SCFD1: variants seen among roughly 807,000 people sequenced by gnomAD.
The protein encoded by SCFD1 is sec1 family domain containing 1, also known as sec1 family domain-containing protein 1.
Under a neutral mutation model 103.2 loss-of-function variants are expected in SCFD1, and 37 were observed. The observed-to-expected ratio is 0.36, with a 90% CI of 0.28 to 0.47. The LOEUF (loss-of-function observed/expected upper bound fraction) is 0.47, where lower values mean the gene tolerates loss of function less well. Ranked by LOEUF, SCFD1 falls within the 20% of genes least tolerant of loss-of-function variation. SCFD1 has a pLI of 1.00. For missense variants in SCFD1, 639 were observed against 761.2 expected (o/e 0.84, Z 1.89); for synonymous variants, 264 against 245.0 (o/e 1.08, Z -0.73).
At chr14:30,671,912 T>C (rs536926590) in intron 11 of SCFD1, among the ~76,000 whole-genome samples, 3 of 151,732 alleles carry the variant, frequency 2.0e-5, no homozygotes, top group Admixed American at 2.0e-4. Flanking sequence ...AGTTAAGTTA[T>C]GATAGTTACC....
At chr14:30,705,687 T>C (rs1019376071) in intron 17 of SCFD1, 136 bp from the exon 18 acceptor site, 15 of 631,878 alleles carry the variant, frequency 2.4e-5, no homozygotes, top group Non-Finnish European at 4.0e-5. Flanking sequence ...AGTGTACTTG[T>C]ATTCGTTGAA....
At chr14:30,725,678 CT>C (rs1892994122) in intron 23 of SCFD1, among the ~76,000 whole-genome samples, 1 of 151,948 alleles carries the variant, frequency 6.6e-6, no homozygotes, top group African/African-American at 2.4e-5. Context: ...TATCTTTTTT[CT>C]TTCTCTTGCC....
At chr14:30,636,291 T>C (rs1409931784) in intron 4 of SCFD1, among the ~76,000 whole-genome samples, 1 of 151,976 alleles carries the variant, frequency 6.6e-6, no homozygotes, top group African/African-American at 2.4e-5. Context: ...GAGTTGCTTA[T>C]GCTTTTGGTG....
Position 30,715,977 on chromosome 14 carries a change from C to A in SCFD1, c.1683C>A (p.Pro561=). 1 of 1,518,596 alleles carries A rather than the reference C, an allele frequency of 6.6e-7. No individual in the cohort carries two copies. Among genetic ancestry groups the A allele is most frequent in the Non-Finnish European group, 9.1e-7 (1 of 1,101,804 alleles). 94.1% of individuals were successfully genotyped at this position (1,518,596 alleles called of 1,614,324 possible). A position where few individuals can be genotyped will look rare whatever the true frequency, so the allele number is the denominator to read the frequency against. ...LDNLMEMKSN[P]ETDDYRYFDP... is the part of the protein sequence containing the mutation. The stretch of plus-strand genomic sequence containing the variant: ...ATCTTATGGAGATGAAGTCAAACCC[C>A]GTGAGTACCATATAACATATTTTGT... The change falls in exon 20 of 25, where the codon CCC becomes CCA. Residue 561 remains proline, a splice_region_variant and synonymous_variant. Transcript: ENST00000458591.
chr14:30,697,797 C>T (rs1356428711), intron 15 of SCFD1, among the ~76,000 whole-genome samples: 2 of 152,092 alleles, frequency 1.3e-5, no homozygotes, highest in Non-Finnish European at 2.9e-5. Flanking sequence ...AAAAAGTAAC[C>T]AAGGCCATGC....
chr14:30,733,007 TTTC>T (rs1238784076), intron 23 of SCFD1, among the ~76,000 whole-genome samples: 9 of 149,156 alleles, frequency 6.0e-5, no homozygotes, highest in African/African-American at 2.0e-4. Flanking sequence ...TCGATTTTTT[TTTC>T]TTTTTTTTTT....
At chr14:30,648,783 G>T (rs1886106748) in intron 7 of SCFD1, among the ~76,000 whole-genome samples, 1 of 152,024 alleles carries the variant, frequency 6.6e-6, no homozygotes, top group African/African-American at 2.4e-5. Context: ...ACCATGCCCA[G>T]CAAATTTTTT....
At chr14:30,626,385 G>C (rs1883453609) in intron 1 of SCFD1, among the ~76,000 whole-genome samples, 1 of 152,008 alleles carries the variant, frequency 6.6e-6, no homozygotes, top group African/African-American at 2.4e-5. Context: ...ACCTGGATAT[G>C]TGTTTCAAGC....
intron 16 of SCFD1, among the ~76,000 whole-genome samples, chr14:30,700,966 A>C (rs549160027): frequency 5.9e-5 from 9 of 152,242 alleles, no homozygotes; most frequent in Non-Finnish European, 1.2e-4. Context: ...TATTCTGTAA[A>C]AGAAAGTGGT....
intron 10 of SCFD1, among the ~76,000 whole-genome samples, chr14:30,661,636 T>A (rs917609720): frequency 2.6e-5 from 4 of 152,144 alleles, no homozygotes; most frequent in Non-Finnish European, 5.9e-5. Flanking sequence ...CCGTAAGAAA[T>A]AGAATTACAG....
chr14:30,720,628 T>A (rs1416520303), intron 21 of SCFD1, among the ~76,000 whole-genome samples: 1 of 152,144 alleles, frequency 6.6e-6, no homozygotes, highest in East Asian at 1.9e-4. Context: ...GTGTTTATTC[T>A]CTAAGCAATA....
At chr14:30,654,272 G>A (rs144617506) in intron 10 of SCFD1, among the ~76,000 whole-genome samples, 2 of 152,284 alleles carry the variant, frequency 1.3e-5, no homozygotes, top group African/African-American at 4.8e-5. Flanking sequence ...CAAATCATGG[G>A]CTTTGTTAAA....
intron 7 of SCFD1, chr14:30,644,148 A>T: frequency 3.0e-6 from 1 of 330,154 alleles, no homozygotes; most frequent in East Asian, 8.1e-5. Context: ...ACCTCCAGCT[A>T]TATCTATGTT....
intron 18 of SCFD1, 94 bp from the exon 19 acceptor site, chr14:30,707,896 G>T: frequency 1.2e-6 from 1 of 868,694 alleles, no homozygotes; most frequent in Non-Finnish European, 2.0e-6. Context: ...GCGAGCATCA[G>T]CATGTGGTGT....
chr14:30,720,356 T>C (rs1892570165), intron 21 of SCFD1, among the ~76,000 whole-genome samples: 1 of 152,212 alleles, frequency 6.6e-6, no homozygotes, highest in Non-Finnish European at 1.5e-5. Context: ...TAGACAGTGA[T>C]GGTTGTACAA....
At chr14:30,700,141 TA>T in intron 15 of SCFD1, 46 bp from the exon 16 acceptor site, 1 of 1,356,170 alleles carries the variant, frequency 7.4e-7, no homozygotes, top group Non-Finnish European at 1.0e-6. Context: ...TAATACATAA[TA>T]ACCACAATTA....
At chr14:30,710,290 A>G (rs1891775377) in intron 19 of SCFD1, among the ~76,000 whole-genome samples, 1 of 144,996 alleles carries the variant, frequency 6.9e-6, no homozygotes, top group East Asian at 2.0e-4. Flanking sequence ...TGGTCACCCC[A>G]TCTGTATATT....
At chr14:30,693,496 G>A (rs1890464633) in intron 14 of SCFD1, among the ~76,000 whole-genome samples, 2 of 152,202 alleles carry the variant, frequency 1.3e-5, no homozygotes, top group South Asian at 4.2e-4. Flanking sequence ...CTGATTTCTT[G>A]TTGCTCCATG....
Position 30,702,367 on chromosome 14 carries a change from AC to A in SCFD1, c.1483del (p.Gln495SerfsTer30), listed in dbSNP as rs1390768594. 1 of 1,565,604 alleles carries A rather than the reference AC, an allele frequency of 6.4e-7. No individual in the cohort carries two copies. ...ACCTTAATCCTTTACAATATATCAA[AC>A]AGTGGAAGTAAGTTTTATTTTCTTC... ...CNLNPLQYIK[Q>X]WKAFTKMASA... On this transcript the variant is annotated frameshift_variant, in exon 17 of 25. Coordinates refer to ENST00000458591, the MANE Select transcript of SCFD1 (RefSeq NM_016106.4). LOFTEE classifies it high-confidence loss of function.
Sources: allele counts gnomAD v4.1 joint callset (sites outside exome capture counted in the v4.1 genomes callset), GRCh38; gene constraint gnomAD v4.1.1; transcripts MANE v1.5; gene names NCBI Gene and HGNC (gene_info 2026-07-23, HGNC 2026-07-21).